Variants in ABCA9 observed in about 807,000 individuals in gnomAD.
ABCA9 encodes the protein ATP-binding cassette sub-family A member 9.
ABCA9 carries 183 observed loss-of-function variants against 205.3 expected under a neutral mutation model. The ratio of observed to expected loss-of-function variants is 0.89; its 90% CI spans 0.79 to 1.01. The LOEUF (loss-of-function observed/expected upper bound fraction) is 1.01, where lower values mean the gene tolerates loss of function less well. Ranked by LOEUF, ABCA9 falls within the 50% of genes least tolerant of loss-of-function variation. The pLI, the probability that ABCA9 is intolerant of heterozygous loss-of-function variation, is 0.00. For synonymous variants in ABCA9, 651 were observed against 683.3 expected, an observed-to-expected ratio of 0.95 and a Z score of 0.74; for missense variants, 1,805 against 1,912.4, an observed-to-expected ratio of 0.94 and a Z score of 1.05.
chr17:68,990,800 A>G, intron 29 of ABCA9, 37 bp downstream of exon 29: 3 of 1,594,698 alleles, frequency 1.9e-6, no homozygotes, highest in Non-Finnish European at 2.6e-6. Context: ...TCTGTCAGAA[A>G]AAAAAATAGT....
Position 69,027,716 on chromosome 17 carries a change from C to A in ABCA9, c.1715G>T (p.Gly572Val). The A allele has an allele frequency of 6.2e-7, 1 of 1,613,150 alleles. No individual in the cohort carries two copies. Among genetic ancestry groups the A allele is most frequent in the Non-Finnish European group, 8.5e-7 (1 of 1,179,796 alleles). Residue 572 changes from glycine to valine, a missense_variant, in exon 13 of 39, where the codon GGA becomes GTA. Gly to Val is a moderately radical substitution (Grantham distance 109, BLOSUM62 -3). Coordinates refer to ENST00000340001, the MANE Select transcript of ABCA9 (RefSeq NM_080283.4). The part of the protein sequence containing the change: ...GFCPQSNVQF[G>V]FLTVKENLRL... ...GAGGTTTTCTTTCACAGTGAGAAAT[C>A]CAAATTGCACATTGGATTGTGGACA...
chr17:69,003,469 G>A (rs1169297058), intron 25 of ABCA9, among the ~76,000 whole-genome samples: 1 of 134,770 alleles, frequency 7.4e-6, no homozygotes, highest in Non-Finnish European at 1.6e-5. Context: ...GGCTTGTAGG[G>A]TTTCTGCCGA....
At chr17:68,998,328 C>G (rs1390741017) in intron 25 of ABCA9, among the ~76,000 whole-genome samples, 1 of 152,176 alleles carries the variant, frequency 6.6e-6, no homozygotes, top group African/African-American at 2.4e-5. Context: ...TTGATTATGT[C>G]TGACCTTTCC....
rs531205159 is a variant in ABCA9 at position 69,033,947 on chromosome 17, T to C, written c.1129-74A>G. ...AGAATTATTATTGTTTTATTTCTGC[T>C]ACAACTGGGTTTGCAAAGATAAATA... On this transcript the variant is annotated intron_variant, in intron 8 of 38. Coordinates refer to ENST00000340001, the MANE Select transcript of ABCA9 (RefSeq NM_080283.4). 8.8e-6 allele frequency: 11 copies of C among 1,244,914 alleles called. No homozygotes were observed. The Admixed American group carries it at 1.8e-4, about 21-fold the overall frequency. The allele number at this position is 1,244,914 out of a possible 1,614,324, so 77.1% of individuals were successfully genotyped here.
chr17:69,047,657 CT>C (rs1403329507), intron 3 of ABCA9, among the ~76,000 whole-genome samples: 2 of 152,166 alleles, frequency 1.3e-5, no homozygotes, highest in Non-Finnish European at 2.9e-5. Context: ...ACTTTTGTAA[CT>C]ATTTCTGCAA....
chr17:69,024,359 A>G lies in ABCA9; in HGVS notation c.2142-6T>C, dbSNP rs549991068. ...ACCTTTCATTCAGATGCAAACTAAC[A>G]TTTAAAAAGAATAAAAGTTATTTTT... On this transcript the variant is annotated splice_polypyrimidine_tract_variant and splice_region_variant and intron_variant, in intron 16 of 38. Coordinates refer to ENST00000340001, the MANE Select transcript of ABCA9 (RefSeq NM_080283.4). 1 of 1,562,480 alleles carries G rather than the reference A, an allele frequency of 6.4e-7. No homozygotes were observed. The highest frequency in any genetic ancestry group is 1.2e-5 in the South Asian group (1 of 83,212).
chr17:68,982,474 A>G (rs1394136326), intron 37 of ABCA9, 88 bp downstream of exon 37: 2 of 983,110 alleles, frequency 2.0e-6, no homozygotes, highest in East Asian at 2.4e-5. Flanking sequence ...GCATAATTCT[A>G]TGTTTATGTA....
intron 3 of ABCA9, 53 bp from the exon 4 acceptor site, chr17:69,045,389 G>A: frequency 3.3e-6 from 5 of 1,530,164 alleles, no homozygotes; most frequent in Non-Finnish European, 4.4e-6. Flanking sequence ...TCTCTACCTG[G>A]CCATATTCAA....
intron 26 of ABCA9, among the ~76,000 whole-genome samples, chr17:68,994,537 A>T (rs1025533194): frequency 1.3e-5 from 2 of 152,118 alleles, no homozygotes; most frequent in African/African-American, 4.8e-5. Flanking sequence ...GTCCATCCTA[A>T]TGACCTACGT....
intron 6 of ABCA9, among the ~76,000 whole-genome samples, chr17:69,041,250 C>A (rs1423338920): frequency 6.6e-6 from 1 of 152,052 alleles, no homozygotes. Context: ...CATCTATATT[C>A]TATAAACTCT....
In ABCA9 at chr17:69,016,245, ATACT is replaced by A. The variant is rs2070607011; in HGVS notation, c.3039+4_3039+7del. ...GGCACAGTATAAATGAGATATAATT[ATACT>A]TACTTCAAAAAATGTGCTTCTGTCA... On this transcript the variant is annotated splice_donor_5th_base_variant and intron_variant, in intron 22 of 38. Coordinates refer to ENST00000340001, the MANE Select transcript of ABCA9 (RefSeq NM_080283.4). 1.3e-6 allele frequency: 2 copies of A among 1,568,048 alleles called. No individual in the cohort carries two copies. The highest frequency in any genetic ancestry group is 1.7e-6 in the Non-Finnish European group (2 of 1,163,378).
intron 12 of ABCA9, among the ~76,000 whole-genome samples, chr17:69,028,050 C>T (rs1364210161): frequency 3.3e-5 from 5 of 151,910 alleles, no homozygotes; most frequent in African/African-American, 4.8e-5. Context: ...ATTTAAAACA[C>T]GAACAACATT....
rs766264664 is a variant in ABCA9, at chr17:69,051,059, T to G, written c.68A>C (p.Lys23Thr). 31 of 1,613,646 alleles carry G rather than the reference T, an allele frequency of 1.9e-5. No homozygotes were observed. Among genetic ancestry groups the G allele is most frequent in the Non-Finnish European group, 2.4e-5 (28 of 1,179,824 alleles). The change falls in exon 2 of 39, where the codon AAA (lysine) becomes ACA (threonine). Residue 23 changes from lysine to threonine, a missense_variant. By Grantham distance (78) the Lys-to-Thr change is moderately conservative. Transcript: ENST00000340001. ...CAAGGTCTGTCTTTTCATTCTCCAT[T>G]TTTTGAGACAGTTCTTGCAGAGAAG... Reference protein sequence around the residue: ...WALLCKNCLKKWRMKRQTLLE... With the variant: ...WALLCKNCLKTWRMKRQTLLE...
chr17:68,995,392 C>A (rs1425183151), intron 26 of ABCA9, among the ~76,000 whole-genome samples: 1 of 152,032 alleles, frequency 6.6e-6, no homozygotes, highest in Non-Finnish European at 1.5e-5. Flanking sequence ...AGTTTAAGGT[C>A]ATGTCATTGG....
chr17:69,001,101 T>C (rs2069848751), intron 25 of ABCA9, among the ~76,000 whole-genome samples: 1 of 152,012 alleles, frequency 6.6e-6, no homozygotes, highest in Non-Finnish European at 1.5e-5. Context: ...CCTAACTGAA[T>C]ACCCTTTATT....
intron 19 of ABCA9, chr17:69,020,002 T>G (rs954574516): frequency 1.3e-5 from 2 of 158,158 alleles, no homozygotes; most frequent in African/African-American, 4.8e-5. Context: ...AAAGTAAGTA[T>G]GTTTATATAT....
chr17:69,064,161 A>C (rs2072318641), upstream of ABCA9, among the ~76,000 whole-genome samples: 1 of 152,158 alleles, frequency 6.6e-6, no homozygotes, highest in Non-Finnish European at 1.5e-5. Flanking sequence ...CAGTCATCTT[A>C]TTTTATGGTC....
chr17:69,033,272 A>T (rs1454572294), intron 9 of ABCA9: 1 of 133,098 alleles, frequency 7.5e-6, no homozygotes, highest in Non-Finnish European at 1.5e-5. Flanking sequence ...GCGCCACTGC[A>T]CTCCAGCATG....
intron 19 of ABCA9, among the ~76,000 whole-genome samples, chr17:69,019,549 T>C (rs1488255168): frequency 6.6e-6 from 1 of 152,112 alleles, no homozygotes; most frequent in Non-Finnish European, 1.5e-5. Context: ...CTAAATGCCA[T>C]AGTTCACAGG....
Sources: allele counts gnomAD v4.1 joint callset (sites outside exome capture counted in the v4.1 genomes callset), GRCh38; gene constraint gnomAD v4.1.1; transcripts MANE v1.5; gene names NCBI Gene and HGNC (gene_info 2026-07-23, HGNC 2026-07-21).